The following ATP5PB variants were observed in gnomAD, a reference collection of about 807,000 sequenced individuals.
ATP5PB encodes ATP synthase peripheral stalk-membrane subunit b, also known as ATP synthase peripheral stalk subunit b, mitochondrial.
In ATP5PB, 21 loss-of-function variants were observed where a neutral mutation model predicts 34.5. The observed-to-expected ratio is 0.61, with a 90% CI of 0.43 to 0.88. ATP5PB has a LOEUF of 0.88. ATP5PB is among the 40% of genes least tolerant of loss of function. The probability of loss-of-function intolerance (pLI) is 0.00; values close to 1 mark genes in which losing one functional copy is unlikely to be tolerated. For missense variants in ATP5PB, 293 were observed against 317.4 expected, an observed-to-expected ratio of 0.92 and a Z score of 0.58; for synonymous variants, 108 against 114.1, an observed-to-expected ratio of 0.95 and a Z score of 0.34.
intron 4 of ATP5PB, 130 bp downstream of exon 4, chr1:111,456,379 CG>C: frequency 8.9e-7 from 1 of 1,128,920 alleles, no homozygotes; most frequent in East Asian, 2.7e-5. Context: ...TAAGTGTTAA[CG>C]TTAGTTACTA....
Position 111,459,653 on chromosome 1 carries a change from T to C in ATP5PB, c.693+17T>C. The stretch of plus-strand genomic sequence containing the variant: ...ACACAGCAGGTACACAACATTTTTG[T>C]AGGTTCTGATGTTGTACTGGTATCT... On this transcript the variant is annotated intron_variant, in intron 6 of 6. Coordinates refer to ENST00000369722, the MANE Select transcript of ATP5PB (RefSeq NM_001688.5). The C allele has an allele frequency of 6.2e-7, 1 of 1,611,298 alleles. No individual in the cohort carries two copies. Among genetic ancestry groups the C allele is most frequent in the Non-Finnish European group, 8.5e-7 (1 of 1,178,352 alleles).
intron 5 of ATP5PB, among the ~76,000 whole-genome samples, chr1:111,458,574 G>A (rs753059853): frequency 6.6e-6 from 1 of 151,628 alleles, no homozygotes; most frequent in Non-Finnish European, 1.5e-5. Context: ...GGTCGGGGGA[G>A]AATAAAAGGA....
Position 111,449,482 on chromosome 1 carries a change from A to G in ATP5PB, c.-60A>G. The G allele has an allele frequency of 9.3e-6, 15 of 1,614,208 alleles. No homozygotes were observed. The highest frequency in any genetic ancestry group is 1.2e-5 in the Non-Finnish European group (14 of 1,180,040). On this transcript the variant is annotated 5_prime_UTR_variant, in exon 1 of 7. Coordinates refer to ENST00000369722, the MANE Select transcript of ATP5PB (RefSeq NM_001688.5). ...GAGCGGCCATCTTGGTCCTGCCCTG[A>G]CAGATTCTCCTATCGGGGTCACAGG...
At chr1:111,459,150 G>A (rs1156459032) in intron 5 of ATP5PB, among the ~76,000 whole-genome samples, 2 of 152,266 alleles carry the variant, frequency 1.3e-5, no homozygotes, top group Admixed American at 1.3e-4. Flanking sequence ...TAAAAGTGAT[G>A]TGTATATGCC....
rs368586672 is a variant in ATP5PB at position 111,459,478 on chromosome 1, G to A, written c.535G>A (p.Glu179Lys). ...CCAGAATAACATTGCTATGGCTTTG[G>A]AAGTTACTTACCGGGAACGACTGTA... ...VQRNNIAMALEVTYRERLYRV... is the reference protein window; with the variant it reads ...VQRNNIAMALKVTYRERLYRV... The change falls in exon 6 of 7, where the codon GAA becomes AAA. Residue 179 changes from glutamate (E) to lysine (K), a missense_variant. By Grantham distance (56) the Glu-to-Lys change is moderately conservative. Coordinates refer to ENST00000369722, the MANE Select transcript of ATP5PB (RefSeq NM_001688.5). 2.5e-6 allele frequency: 4 copies of A among 1,607,930 alleles called. No individual in the cohort carries two copies. The highest frequency in any genetic ancestry group is 2.7e-5 in the African/African-American group (2 of 74,766).
rs147681177 is a variant in ATP5PB, at chr1:111,455,154, GTTT to G, written c.223+806_223+808del. Among the ~76,000 whole-genome samples, 61 of 147,702 alleles carry G rather than the reference GTTT, an allele frequency of 4.1e-4. 1 individual carries two copies. In the East Asian group the frequency reaches 0.011, roughly 28 times the overall value. ...ACTGGAACATTGGAAACCGAAGATT[GTTT>G]TTTTTTTAGCCCTGGAGTCACCTAA... On this transcript the variant is annotated intron_variant, in intron 3 of 6. Transcript: ENST00000369722.
In ATP5PB at chr1:111,456,235, G is replaced by A; in HGVS notation, c.373G>A (p.Asp125Asn). The change falls in exon 4 of 7, where the codon GAT becomes AAT. Residue 125 changes from aspartate (D) to asparagine (N), a missense_variant. Transcript: ENST00000369722. ...KYGPFVADFA[D>N]KLNEQKLAQL... ...TGGTCCCTTTGTTGCAGACTTTGCTGATAAACTCAATGAGGTAAGAACCAT... is the reference window on the plus strand; with the variant it reads ...TGGTCCCTTTGTTGCAGACTTTGCTAATAAACTCAATGAGGTAAGAACCAT... 2 of 1,602,652 alleles carry A rather than the reference G, an allele frequency of 1.2e-6. No homozygotes were observed. Among genetic ancestry groups the A allele is most frequent in the Middle Eastern group, 1.7e-4 (1 of 6,004 alleles).
At chr1:111,455,722 A>C (rs1310808676) in intron 3 of ATP5PB, among the ~76,000 whole-genome samples, 5 of 152,226 alleles carry the variant, frequency 3.3e-5, no homozygotes, top group African/African-American at 1.2e-4. Context: ...ATTACTTCAG[A>C]AAGTTATCTG....
intron 6 of ATP5PB, 131 bp downstream of exon 6, chr1:111,459,767 T>C: frequency 2.1e-6 from 2 of 942,738 alleles, no homozygotes; most frequent in Admixed American, 2.9e-5. Flanking sequence ...CCCCGGTTTG[T>C]TTTTCTGGAT....
At chr1:111,454,442 TTGTTGTTGTTG>T (rs1557800053) in intron 3 of ATP5PB, 86 bp downstream of exon 3, 16 of 1,369,976 alleles carry the variant, frequency 1.2e-5, no homozygotes, top group Non-Finnish European at 1.4e-5. Flanking sequence ...TTGGTTTTTG[TTGTTGTTGTTG>T]TTGTTGTTGT....
intron 3 of ATP5PB, among the ~76,000 whole-genome samples, chr1:111,455,745 A>G (rs533098124): frequency 6.6e-6 from 1 of 152,360 alleles, no homozygotes; most frequent in African/African-American, 2.4e-5. Flanking sequence ...ATCTTTGTAG[A>G]ATAGTTTAAT....
rs74109560 is a variant in ATP5PB, at chr1:111,449,683, A to C, written c.40+102A>C. ...AAGGGCGCAGCGACACGGGCCTGAGAGGCGAGTGGTCAGTGCAGTTCGGAA... is the reference window on the plus strand; with the variant it reads ...AAGGGCGCAGCGACACGGGCCTGAGCGGCGAGTGGTCAGTGCAGTTCGGAA... On this transcript the variant is annotated intron_variant, in intron 1 of 6. Coordinates refer to ENST00000369722, the MANE Select transcript of ATP5PB (RefSeq NM_001688.5). 7.8e-3 allele frequency: 12,042 copies of C among 1,546,048 alleles called. 619 individuals carry two copies. In the African/African-American group the frequency reaches 0.12, roughly 16 times the overall value.
At position 111,461,152 on chromosome 1, in the gene ATP5PB, C is replaced by T; in HGVS notation, c.*158C>T. 1.6e-6 allele frequency: 1 copy of T among 608,732 alleles called. No homozygotes were observed. Among genetic ancestry groups the T allele is most frequent in the Non-Finnish European group, 2.9e-6 (1 of 343,794 alleles). 37.7% of individuals were successfully genotyped at this position (608,732 alleles called of 1,614,324 possible). On this transcript the variant is annotated 3_prime_UTR_variant, in exon 7 of 7. Coordinates refer to ENST00000369722, the MANE Select transcript of ATP5PB (RefSeq NM_001688.5). ...TTCATATAGTGAGAGAACGAAATCTCTATCGGCCAGTCAGATGTTTCTCAT... is the reference window on the plus strand; with the variant it reads ...TTCATATAGTGAGAGAACGAAATCTTTATCGGCCAGTCAGATGTTTCTCAT...
intron 6 of ATP5PB, among the ~76,000 whole-genome samples, chr1:111,460,326 G>C (rs574934496): frequency 2.4e-4 from 35 of 148,432 alleles, no homozygotes; most frequent in Non-Finnish European, 3.4e-4. Context: ...TTATATTTTT[G>C]CTTTAATATG....
Position 111,449,527 on chromosome 1 carries a change from G to T in ATP5PB, c.-15G>T. ...CACAGGGACGCTAAGATTGCTACCTGGACTTTCGTTGACCATGCTGTCCCG... is the reference window on the plus strand; with the variant it reads ...CACAGGGACGCTAAGATTGCTACCTTGACTTTCGTTGACCATGCTGTCCCG... On this transcript the variant is annotated 5_prime_UTR_variant, in exon 1 of 7. Coordinates refer to ENST00000369722, the MANE Select transcript of ATP5PB (RefSeq NM_001688.5). 6.2e-7 allele frequency: 1 copy of T among 1,614,036 alleles called. No homozygotes were observed. The highest frequency in any genetic ancestry group is 8.5e-7 in the Non-Finnish European group (1 of 1,179,942).
chr1:111,454,461 TG>T lies in ATP5PB; in HGVS notation c.223+106del, dbSNP rs1379151596. On this transcript the variant is annotated intron_variant, in intron 3 of 6. Transcript: ENST00000369722. Reference sequence around the variant, plus strand: ...TTTTTGTTGTTGTTGTTGTTGTTGTTGTTGTTGTTTTTTGAGACAGGGTATT... The same window carrying T: ...TTTTTGTTGTTGTTGTTGTTGTTGTTTTGTTGTTTTTTGAGACAGGGTATT... 272 of 1,425,718 alleles carry T rather than the reference TG, an allele frequency of 1.9e-4. No individual in the cohort carries two copies. The African/African-American group carries it at 3.8e-3, about 20-fold the overall frequency. 88.3% of individuals were successfully genotyped at this position (1,425,718 alleles called of 1,614,324 possible).
Position 111,449,930 on chromosome 1 carries a change from G to A in ATP5PB, c.77+57G>A, listed in dbSNP as rs930012945. 1.9e-6 allele frequency: 3 copies of A among 1,606,462 alleles called. No individual in the cohort carries two copies. In the Admixed American group the frequency reaches 5.0e-5, roughly 27 times the overall value. On this transcript the variant is annotated intron_variant, in intron 2 of 6. Coordinates refer to ENST00000369722, the MANE Select transcript of ATP5PB (RefSeq NM_001688.5). ...TTGTTTTCACTACCTTTTATTTCCC[G>A]ATTCCTGCCCCCACCCCCTTAGCTT...
rs935490784 is a variant in ATP5PB at position 111,455,983 on chromosome 1, G to A, written c.224-103G>A. ...GTGTTTTGTCTTTGAATCTAATTAA[G>A]TCATTACTTTGCCTTCAGCTAATCA... is the stretch of plus-strand genomic sequence containing the variant. On this transcript the variant is annotated intron_variant, in intron 3 of 6. Coordinates refer to ENST00000369722, the MANE Select transcript of ATP5PB (RefSeq NM_001688.5). 12 of 1,025,414 alleles carry A rather than the reference G, an allele frequency of 1.2e-5. No individual in the cohort carries two copies. The African/African-American group carries it at 2.0e-4, about 17-fold the overall frequency. The allele number at this position is 1,025,414 out of a possible 1,614,324, so 63.5% of individuals were successfully genotyped here. A position where few individuals can be genotyped will look rare whatever the true frequency, so the allele number is the denominator to read the frequency against.
intron 3 of ATP5PB, among the ~76,000 whole-genome samples, chr1:111,454,795 A>G (rs1309113652): frequency 6.6e-6 from 1 of 152,168 alleles, no homozygotes; most frequent in Admixed American, 6.5e-5. Flanking sequence ...TGATTGCTCC[A>G]ACTTGTCTTT....
Sources: gnomAD v4.1 joint callset for allele counts (sites outside exome capture counted in the v4.1 genomes callset) on GRCh38, gnomAD v4.1.1 for gene constraint, MANE v1.5 for transcripts, NCBI Gene and HGNC (gene_info 2026-07-23, HGNC 2026-07-21) for gene names.